PFKP: variants seen among roughly 807,000 people sequenced by gnomAD.
The protein encoded by PFKP is ATP-dependent 6-phosphofructokinase, platelet type.
PFKP carries 101 observed loss-of-function variants against 94.3 expected under a neutral mutation model. That is an observed-to-expected ratio of 1.07 (90% CI 0.91 to 1.26). The LOEUF (loss-of-function observed/expected upper bound fraction) is 1.26. PFKP is among the 50% of genes most tolerant of loss of function. PFKP has a pLI of 0.00. For missense variants in PFKP, 1,145 were observed against 1,103.3 expected (o/e 1.04, Z -0.53); for synonymous variants, 573 against 432.6 (o/e 1.32, Z -4.03).
At chr10:3,107,977 T>TC in intron 8 of PFKP, 1 of 1,289,750 alleles carries the variant, frequency 7.8e-7, no homozygotes, top group Non-Finnish European at 1.0e-6. Context: ...GCTTTGCAAG[T>TC]CGGCTTCTTT....
At position 3,100,975 on chromosome 10, in the gene PFKP, C is replaced by G. The variant is rs369286535; in HGVS notation, c.265-390C>G. ...CCTGGCTGCTGGTCACACCGCTTCC[C>G]TTGTCCTGGCCGGCATGCTCTGGTG... is the stretch of plus-strand genomic sequence containing the variant. On this transcript the variant is annotated intron_variant, in intron 3 of 21. Coordinates refer to ENST00000381125, the MANE Select transcript of PFKP (RefSeq NM_002627.5). The G allele has an allele frequency of 7.6e-5, 123 of 1,612,410 alleles. No individual in the cohort carries two copies. The African/African-American group carries it at 1.4e-3, about 19-fold the overall frequency.
At chr10:3,131,478 A>G (rs904954792) in intron 17 of PFKP, among the ~76,000 whole-genome samples, 1 of 152,134 alleles carries the variant, frequency 6.6e-6, no homozygotes, top group Admixed American at 6.5e-5. Context: ...AATTTTTGAG[A>G]TGGAGTCTCG....
At chr10:3,098,709 T>G (rs535221637) in intron 2 of PFKP, among the ~76,000 whole-genome samples, 1 of 150,902 alleles carries the variant, frequency 6.6e-6, no homozygotes, top group Non-Finnish European at 1.5e-5. Context: ...TCCTTGGGCT[T>G]CTTCTATCAA....
intron 1 of PFKP, among the ~76,000 whole-genome samples, chr10:3,079,681 A>C: frequency 1.3e-5 from 1 of 78,542 alleles, no homozygotes; most frequent in African/African-American, 4.2e-5. Context: ...GGGGAAGAGG[A>C]GCAGGGGTGA....
intron 8 of PFKP, chr10:3,107,693 C>A: frequency 1.0e-6 from 1 of 963,460 alleles, no homozygotes; most frequent in Non-Finnish European, 1.2e-6. Context: ...GAAAAGGCGG[C>A]GTCTTGCTAT....
chr10:3,102,306 A>G (rs910490966), intron 4 of PFKP, among the ~76,000 whole-genome samples: 1 of 150,848 alleles, frequency 6.6e-6, no homozygotes. Context: ...ATTTATTTAG[A>G]CGATAAATCT....
At chr10:3,119,791 C>CATTAAAAAAAAAAAAA in intron 15 of PFKP, 101 bp from the exon 16 acceptor site, 1 of 981,264 alleles carries the variant, frequency 1.0e-6, no homozygotes, top group Non-Finnish European at 1.6e-6. Context: ...CAGTGTGCTC[C>CATTAAAAAAAAAAAAA]CTGCGTGCTG....
intron 17 of PFKP, among the ~76,000 whole-genome samples, chr10:3,131,802 G>T (rs1838619459): frequency 6.6e-6 from 1 of 152,258 alleles, no homozygotes; most frequent in Non-Finnish European, 1.5e-5. Context: ...TGACAGATTT[G>T]ATTAGATGTA....
At chr10:3,124,631 C>T (rs545885356) in intron 16 of PFKP, among the ~76,000 whole-genome samples, 152 of 152,350 alleles carry the variant, frequency 1.0e-3, no homozygotes, top group African/African-American at 3.4e-3. Context: ...CGCCTCTGCA[C>T]GATGAAGGCG....
chr10:3,068,690 G>C, intron 1 of PFKP: 2 of 984,748 alleles, frequency 2.0e-6, no homozygotes, highest in Non-Finnish European at 2.4e-6. Context: ...GGTGCACGTG[G>C]GGGCGCCGGT....
intron 15 of PFKP, 51 bp from the exon 16 acceptor site, chr10:3,119,840 CT>C: frequency 6.3e-7 from 1 of 1,584,938 alleles, no homozygotes; most frequent in Admixed American, 1.7e-5. Flanking sequence ...CAGCGAGACC[CT>C]CTCCTCCCCA....
In PFKP at chr10:3,079,665, G is replaced by T. The variant is rs957925156; in HGVS notation, c.113-2723G>T. Among the ~76,000 whole-genome samples, 66 of 109,958 alleles carry T rather than the reference G, an allele frequency of 6.0e-4. 8 individuals are homozygous for T. The highest frequency in any genetic ancestry group is 4.4e-3 in the Middle Eastern group (1 of 226). The allele number at this position is 109,958 out of a possible 152,430, so 72.1% of individuals were successfully genotyped here. On this transcript the variant is annotated intron_variant, in intron 1 of 21. Transcript: ENST00000381125. ...ACGAGGTCTTCAGAGAGCGGGGTGGGGGGGGGGGGAAGAGGAGCAGGGGTG... is the reference window on the plus strand; with the variant it reads ...ACGAGGTCTTCAGAGAGCGGGGTGGTGGGGGGGGGAAGAGGAGCAGGGGTG...
At chr10:3,115,812 G>T (rs1836783139) in intron 13 of PFKP, among the ~76,000 whole-genome samples, 1 of 152,132 alleles carries the variant, frequency 6.6e-6, no homozygotes, top group African/African-American at 2.4e-5. Context: ...AGTAGGGTGG[G>T]AAGAGGAAAC....
intron 2 of PFKP, among the ~76,000 whole-genome samples, chr10:3,086,316 G>A (rs1833594950): frequency 6.6e-6 from 1 of 152,166 alleles, no homozygotes; most frequent in Non-Finnish European, 1.5e-5. Context: ...CAGAGGAAAG[G>A]AAGGAAATCA....
intron 1 of PFKP, among the ~76,000 whole-genome samples, chr10:3,078,982 A>C (rs950981977): frequency 1.3e-5 from 2 of 152,198 alleles, no homozygotes; most frequent in Non-Finnish European, 2.9e-5. Context: ...TCACCTGGAA[A>C]TTGCTAGAAA....
chr10:3,099,255 A>T lies in PFKP; in HGVS notation c.187-20A>T. ...GTGAAGTTTATCTCATTTTTAAAAG[A>T]TTCTCCCTTTCTCCCCTAGGGCTAC... is the stretch of plus-strand genomic sequence containing the variant. On this transcript the variant is annotated intron_variant, in intron 2 of 21. Coordinates refer to ENST00000381125, the MANE Select transcript of PFKP (RefSeq NM_002627.5). 6.3e-7 allele frequency: 1 copy of T among 1,593,152 alleles called. No individual in the cohort carries two copies. Among genetic ancestry groups the T allele is most frequent in the South Asian group, 1.1e-5 (1 of 90,526 alleles).
chr10:3,118,701 CG>C (rs1837081991), intron 14 of PFKP, 80 bp from the exon 15 acceptor site: 1 of 929,846 alleles, frequency 1.1e-6, no homozygotes, highest in East Asian at 2.5e-5. Flanking sequence ...GGAAGGCGGC[CG>C]GGTGGGGACC....
At chr10:3,104,530 C>T (rs1024236253) in intron 5 of PFKP, among the ~76,000 whole-genome samples, 2 of 152,248 alleles carry the variant, frequency 1.3e-5, no homozygotes, top group Non-Finnish European at 2.9e-5. Context: ...CAGCATGGCG[C>T]CTCCCAGTCC....
intron 1 of PFKP, chr10:3,068,714 A>T: frequency 1.0e-6 from 1 of 984,572 alleles, no homozygotes. Context: ...CGGATGATGG[A>T]GTGTCCCGAT....
Sources: gnomAD v4.1 joint callset for allele counts (sites outside exome capture counted in the v4.1 genomes callset) on GRCh38, gnomAD v4.1.1 for gene constraint, MANE v1.5 for transcripts, NCBI Gene and HGNC (gene_info 2026-07-23, HGNC 2026-07-21) for gene names.